The following NR3C2 variants were observed in gnomAD, a reference collection of about 807,000 sequenced individuals.
The protein encoded by NR3C2 is mineralocorticoid receptor.
NR3C2 carries 15 observed loss-of-function variants against 86.4 expected under a neutral mutation model. That is an observed-to-expected ratio of 0.17 (90% CI 0.12 to 0.27). NR3C2 has a LOEUF of 0.27. Among genes scored for constraint, NR3C2 ranks in the 10% least tolerant of loss-of-function variants. The pLI, the probability that NR3C2 is intolerant of heterozygous loss-of-function variation, is 1.00. For synonymous variants in NR3C2, 458 were observed against 450.5 expected, an observed-to-expected ratio of 1.02 and a Z score of -0.21; for missense variants, 960 against 1,195.6, an observed-to-expected ratio of 0.80 and a Z score of 2.91.
chr4:148,378,414 TTGGTTTGG>T (rs1361173583), intron 2 of NR3C2, among the ~76,000 whole-genome samples: 34 of 152,054 alleles, frequency 2.2e-4, no homozygotes, highest in African/African-American at 8.0e-4. Context: ...CTGCACTGAA[TTGGTTTGG>T]ATATGGGTTC....
chr4:148,219,267 G>A (rs1737706982), intron 3 of NR3C2, among the ~76,000 whole-genome samples: 2 of 152,056 alleles, frequency 1.3e-5, no homozygotes, highest in South Asian at 4.1e-4. Flanking sequence ...TCTCCTTTGT[G>A]ACATGTAGAT....
rs1340661927 is a variant in NR3C2 at position 148,152,285 on chromosome 4, A to G, written c.2510+184T>C. 8.5e-6 allele frequency: 5 copies of G among 590,884 alleles called. No individual in the cohort carries two copies. In the Admixed American group the frequency reaches 1.5e-4, roughly 17 times the overall value. 36.6% of individuals were successfully genotyped at this position (590,884 alleles called of 1,614,324 possible). Reference sequence around the variant, plus strand: ...TACTGATTTATATACACTCAGAAGCATACAGTATAATGTTGCAAAGAGTAA... The same window carrying G: ...TACTGATTTATATACACTCAGAAGCGTACAGTATAATGTTGCAAAGAGTAA... On this transcript the variant is annotated intron_variant, in intron 6 of 8. Coordinates refer to ENST00000358102, the MANE Select transcript of NR3C2 (RefSeq NM_000901.5).
intron 6 of NR3C2, among the ~76,000 whole-genome samples, chr4:148,130,833 T>G (rs200781084): frequency 0.26 from 35,886 of 137,036 alleles, 5,536 homozygotes; most frequent in East Asian, 0.6. Flanking sequence ...TTTTTTTTTT[T>G]TTTTTTTTGA....
intron 4 of NR3C2, among the ~76,000 whole-genome samples, chr4:148,161,877 T>G (rs1219646762): frequency 6.6e-6 from 1 of 152,132 alleles, no homozygotes; most frequent in East Asian, 1.9e-4. Context: ...TATGATAAGT[T>G]TTGGGTCACT....
intron 8 of NR3C2, among the ~76,000 whole-genome samples, chr4:148,089,053 TTGTATC>T (rs1222841720): frequency 1.3e-5 from 2 of 152,228 alleles, no homozygotes; most frequent in Non-Finnish European, 2.9e-5. Context: ...TCTGGTGAAC[TTGTATC>T]TGTAACTTAC....
upstream of NR3C2, chr4:148,442,763 T>TGGCTACATCAGGCGGC: frequency 4.1e-6 from 4 of 985,344 alleles, no homozygotes; most frequent in Non-Finnish European, 4.8e-6. Flanking sequence ...TGCCGGGCGG[T>TGGCTACATCAGGCGGC]GGCTACATCA....
intron 2 of NR3C2, among the ~76,000 whole-genome samples, chr4:148,304,453 T>A (rs1742506421): frequency 6.7e-6 from 1 of 148,592 alleles, no homozygotes; most frequent in African/African-American, 2.5e-5. Flanking sequence ...TTCTAATAAC[T>A]CAGTTTGTCT....
chr4:148,118,401 T>C (rs891003364), intron 7 of NR3C2, among the ~76,000 whole-genome samples: 1 of 152,124 alleles, frequency 6.6e-6, no homozygotes, highest in Non-Finnish European at 1.5e-5. Context: ...TGGCTTCCAA[T>C]ACCGTACACT....
At chr4:148,232,283 A>G (rs1579045667) in intron 3 of NR3C2, among the ~76,000 whole-genome samples, 2 of 152,236 alleles carry the variant, frequency 1.3e-5, no homozygotes, top group East Asian at 3.8e-4. Context: ...AAGACATGAA[A>G]GTCAAAATTC....
chr4:148,421,044 G>C (rs1048101723), intron 2 of NR3C2, among the ~76,000 whole-genome samples: 1 of 152,138 alleles, frequency 6.6e-6, no homozygotes, highest in Non-Finnish European at 1.5e-5. Flanking sequence ...AATACACCCA[G>C]GACTAGGCTT....
chr4:148,274,485 G>A (rs1740860645), intron 2 of NR3C2, among the ~76,000 whole-genome samples: 1 of 151,966 alleles, frequency 6.6e-6, no homozygotes, highest in African/African-American at 2.4e-5. Flanking sequence ...CTGTTCTGAT[G>A]GTGAGTTCTC....
At chr4:148,370,837 G>C (rs1161157308) in intron 2 of NR3C2, among the ~76,000 whole-genome samples, 1 of 152,114 alleles carries the variant, frequency 6.6e-6, no homozygotes, top group Non-Finnish European at 1.5e-5. Context: ...CTGAGGGTCA[G>C]TATCTTCCTT....
At chr4:148,282,871 A>AG (rs1351757258) in intron 2 of NR3C2, among the ~76,000 whole-genome samples, 1 of 152,208 alleles carries the variant, frequency 6.6e-6, no homozygotes, top group Non-Finnish European at 1.5e-5. Flanking sequence ...CAATAGGCAG[A>AG]GTGGGCCTTA....
intron 8 of NR3C2, among the ~76,000 whole-genome samples, chr4:148,082,038 C>T (rs1291132300): frequency 6.6e-6 from 1 of 152,240 alleles, no homozygotes; most frequent in Non-Finnish European, 1.5e-5. Context: ...CTGGCACTTC[C>T]ACCTGCAGCC....
chr4:148,305,299 T>C (rs542330890), intron 2 of NR3C2, among the ~76,000 whole-genome samples: 1 of 152,266 alleles, frequency 6.6e-6, no homozygotes, highest in East Asian at 1.9e-4. Context: ...TACTCCATTC[T>C]CCTCAGAATA....
At position 148,296,044 on chromosome 4, in the gene NR3C2, C is replaced by CAAAAAAAAA. The variant is rs529710200; in HGVS notation, c.1758-35936_1758-35928dup. On this transcript the variant is annotated intron_variant, in intron 2 of 8. Transcript: ENST00000358102. ...AGAGGTCCTTAATATGAGCTGAGGC[C>CAAAAAAAAA]AAAAAAAAAAAAAAAAAAAAAAGAG... 1.1e-3 allele frequency among the ~76,000 whole-genome samples: 79 copies of CAAAAAAAAA among 73,918 alleles called. 7 individuals carry two copies. Among genetic ancestry groups the CAAAAAAAAA allele is most frequent in the East Asian group, 2.9e-3 (7 of 2,436 alleles). 48.5% of individuals were successfully genotyped at this position (73,918 alleles called of 152,430 possible). A position where few individuals can be genotyped will look rare whatever the true frequency, so the allele number is the denominator to read the frequency against.
intron 8 of NR3C2, among the ~76,000 whole-genome samples, chr4:148,096,028 G>T (rs934511393): frequency 1.3e-5 from 2 of 152,138 alleles, no homozygotes; most frequent in Non-Finnish European, 2.9e-5. Context: ...AGCAAGATGG[G>T]CTCAATTTAC....
chr4:148,352,410 AT>A (rs2149994186), intron 2 of NR3C2, among the ~76,000 whole-genome samples: 1 of 151,660 alleles, frequency 6.6e-6, no homozygotes, highest in East Asian at 1.9e-4. Context: ...CTATCTATCT[AT>A]CTATCTATCT....
At chr4:148,164,160 T>C (rs1298886693) in intron 4 of NR3C2, among the ~76,000 whole-genome samples, 2 of 152,220 alleles carry the variant, frequency 1.3e-5, no homozygotes, top group Non-Finnish European at 2.9e-5. Flanking sequence ...GTCAACTTCT[T>C]TACACTGGAA....
Sources: gnomAD v4.1 joint callset for allele counts (sites outside exome capture counted in the v4.1 genomes callset) on GRCh38, gnomAD v4.1.1 for gene constraint, MANE v1.5 for transcripts, NCBI Gene and HGNC (gene_info 2026-07-23, HGNC 2026-07-21) for gene names.